Variants in ADGRL2 observed in about 807,000 individuals in gnomAD.
The protein encoded by ADGRL2 is calcium-independent alpha-latrotoxin receptor 2.
Under a neutral mutation model 157.4 loss-of-function variants are expected in ADGRL2, and 44 were observed. The ratio of observed to expected loss-of-function variants is 0.28; its 90% CI spans 0.22 to 0.36. The LOEUF (loss-of-function observed/expected upper bound fraction) is 0.36. ADGRL2 is among the 10% of genes least tolerant of loss of function. The pLI, the probability that ADGRL2 is intolerant of heterozygous loss-of-function variation, is 1.00. For synonymous variants in ADGRL2, 585 were observed against 624.7 expected (o/e 0.94, Z 0.95); for missense variants, 1,510 against 1,768.9 (o/e 0.85, Z 2.63).
chr1:81,698,354 T>C (rs2083487130), upstream of ADGRL2, among the ~76,000 whole-genome samples: 1 of 152,200 alleles, frequency 6.6e-6, no homozygotes, highest in Non-Finnish European at 1.5e-5. Flanking sequence ...ATACATCCTA[T>C]ATATGAAAGA....
intron 3 of ADGRL2, among the ~76,000 whole-genome samples, chr1:81,910,654 C>A (rs2094699606): frequency 6.7e-6 from 1 of 148,152 alleles, no homozygotes. Context: ...AATTGTGGTA[C>A]TCCGGGCATC....
chr1:81,782,948 G>T (rs111407970), intron 2 of ADGRL2, among the ~76,000 whole-genome samples: 2 of 152,118 alleles, frequency 1.3e-5, no homozygotes, highest in Non-Finnish European at 2.9e-5. Flanking sequence ...GTAATTGGCC[G>T]GCTTTATCAT....
intron 1 of ADGRL2, among the ~76,000 whole-genome samples, chr1:81,369,970 A>C (rs1438886433): frequency 6.6e-6 from 1 of 152,138 alleles, no homozygotes; most frequent in African/African-American, 2.4e-5. Flanking sequence ...TTTCTTCCTT[A>C]CAGAGTGATG....
chr1:81,493,900 G>C (rs987343733), intron 2 of ADGRL2, among the ~76,000 whole-genome samples: 1 of 152,086 alleles, frequency 6.6e-6, no homozygotes, highest in African/African-American at 2.4e-5. Flanking sequence ...TATTTAAAAC[G>C]TGGGGACAGC....
intron 1 of ADGRL2, among the ~76,000 whole-genome samples, chr1:81,390,320 G>A (rs1215462449): frequency 2.0e-5 from 3 of 152,304 alleles, no homozygotes; most frequent in African/African-American, 4.8e-5. Context: ...GTGTAAGACT[G>A]ATGTTCATTC....
chr1:81,423,185 C>T (rs906599504), intron 1 of ADGRL2, among the ~76,000 whole-genome samples: 7 of 152,092 alleles, frequency 4.6e-5, no homozygotes, highest in Admixed American at 6.5e-5. Flanking sequence ...TTTGCTAACA[C>T]GAGAAAGGAA....
chr1:81,651,268 G>C (rs907535787), intron 3 of ADGRL2, among the ~76,000 whole-genome samples: 1 of 150,712 alleles, frequency 6.6e-6, no homozygotes, highest in Non-Finnish European at 1.5e-5. Flanking sequence ...ACAAGAATTA[G>C]AAAAAAAAAT....
At chr1:81,527,121 A>G (rs777815359) in intron 2 of ADGRL2, among the ~76,000 whole-genome samples, 5 of 152,360 alleles carry the variant, frequency 3.3e-5, no homozygotes, top group Non-Finnish European at 7.4e-5. Context: ...CGAATTCAGC[A>G]TTTAATCTGT....
chr1:81,783,764 G>A (rs897882119), intron 2 of ADGRL2, among the ~76,000 whole-genome samples: 2 of 152,104 alleles, frequency 1.3e-5, no homozygotes, highest in Non-Finnish European at 2.9e-5. Context: ...ATTCAAAATT[G>A]TTTCATATGA....
At chr1:81,751,091 T>A (rs2085474930) in intron 1 of ADGRL2, among the ~76,000 whole-genome samples, 1 of 152,152 alleles carries the variant, frequency 6.6e-6, no homozygotes, top group Non-Finnish European at 1.5e-5. Flanking sequence ...ATTAAAACAA[T>A]GCCAGGGACA....
intron 1 of ADGRL2, among the ~76,000 whole-genome samples, chr1:81,823,376 T>A (rs1007757891): frequency 1.1e-5 from 1 of 88,652 alleles, no homozygotes; most frequent in Non-Finnish European, 2.2e-5. Context: ...CCCTCCCCCC[T>A]CCCTCTTTCC....
At chr1:81,950,116 AT>A in intron 6 of ADGRL2, 72 bp from the exon 7 acceptor site, 1 of 1,281,820 alleles carries the variant, frequency 7.8e-7, no homozygotes, top group Non-Finnish European at 1.1e-6. Context: ...GCATGCACAC[AT>A]TCCATGTGTG....
intron 1 of ADGRL2, among the ~76,000 whole-genome samples, chr1:81,801,420 T>C (rs977040745): frequency 2.6e-5 from 4 of 152,102 alleles, no homozygotes; most frequent in African/African-American, 4.8e-5. Flanking sequence ...CGTCTCTCTC[T>C]CTCTCCCTCT....
intron 2 of ADGRL2, among the ~76,000 whole-genome samples, chr1:81,549,824 T>A (rs1476900577): frequency 6.6e-6 from 1 of 152,048 alleles, no homozygotes; most frequent in African/African-American, 2.4e-5. Flanking sequence ...AAAGGATGAG[T>A]GAGAGAGGTA....
chr1:81,330,200 A>G (rs1429698929), intron 1 of ADGRL2, among the ~76,000 whole-genome samples: 1 of 152,134 alleles, frequency 6.6e-6, no homozygotes, highest in Non-Finnish European at 1.5e-5. Context: ...GACCAAAAGT[A>G]CCTGAAATAT....
intron 1 of ADGRL2, among the ~76,000 whole-genome samples, chr1:81,323,559 T>C (rs1315783792): frequency 6.6e-6 from 1 of 151,622 alleles, no homozygotes; most frequent in Non-Finnish European, 1.5e-5. Flanking sequence ...AGCCAAGAAA[T>C]TGGTGTTTTA....
At chr1:81,620,743 CAT>C in intron 3 of ADGRL2, among the ~76,000 whole-genome samples, 1 of 152,278 alleles carries the variant, frequency 6.6e-6, no homozygotes, top group Admixed American at 6.5e-5. Context: ...AAATCCAAAA[CAT>C]ATGAAAGAGA....
intron 2 of ADGRL2, among the ~76,000 whole-genome samples, chr1:81,537,391 C>G (rs2079766218): frequency 6.6e-6 from 1 of 152,092 alleles, no homozygotes. Context: ...TCAAGCAATT[C>G]TCCTGCCTCA....
At chr1:81,640,400 C>T (rs55887647) in intron 3 of ADGRL2, among the ~76,000 whole-genome samples, 10,064 of 151,868 alleles carry the variant, frequency 0.066, 380 homozygotes, top group African/African-American at 0.1. Flanking sequence ...TTTGAGAGGC[C>T]GAGGAAGGTG....
Sources: gnomAD v4.1 joint callset for allele counts (sites outside exome capture counted in the v4.1 genomes callset) on GRCh38, gnomAD v4.1.1 for gene constraint, MANE v1.5 for transcripts, NCBI Gene and HGNC (gene_info 2026-07-23, HGNC 2026-07-21) for gene names.